Variants in TMEM156 observed in about 807,000 individuals in gnomAD.
TMEM156 encodes the protein transmembrane protein 156.
TMEM156 carries 28 observed loss-of-function variants against 30.5 expected under a neutral mutation model. That is an observed-to-expected ratio of 0.92 (90% CI 0.68 to 1.26). The LOEUF (loss-of-function observed/expected upper bound fraction) is 1.26, where lower values mean the gene tolerates loss of function less well. TMEM156 is among the 50% of genes most tolerant of loss of function. TMEM156 has a pLI of 0.00. For missense variants in TMEM156, 351 were observed against 340.6 expected (o/e 1.03, Z -0.24); for synonymous variants, 137 against 119.9 (o/e 1.14, Z -0.93).
At chr4:38,974,116 A>G (rs1310323999) in intron 5 of TMEM156, among the ~76,000 whole-genome samples, 1 of 151,110 alleles carries the variant, frequency 6.6e-6, no homozygotes, top group Non-Finnish European at 1.5e-5. Context: ...AAACTGTGCT[A>G]CTGGATTGCT....
In TMEM156 at chr4:38,995,588, G is replaced by A. The variant is rs192575143; in HGVS notation, c.359-1590C>T. 2.0e-3 allele frequency among the ~76,000 whole-genome samples: 297 copies of A among 152,264 alleles called. 1 individual carries two copies. The highest frequency in any genetic ancestry group is 6.8e-3 in the African/African-American group (284 of 41,552). Reference sequence around the variant, plus strand: ...AAATTAACTGGGCGTGGTGGCGCACGCCTATAATCCCAGCTACTCCGGAGG... The same window carrying A: ...AAATTAACTGGGCGTGGTGGCGCACACCTATAATCCCAGCTACTCCGGAGG... On this transcript the variant is annotated intron_variant, in intron 2 of 6. Coordinates refer to ENST00000381938, the MANE Select transcript of TMEM156 (RefSeq NM_024943.3).
chr4:39,007,346 A>T (rs770657180), intron 1 of TMEM156, among the ~76,000 whole-genome samples: 2 of 152,184 alleles, frequency 1.3e-5, no homozygotes, highest in Non-Finnish European at 2.9e-5. Context: ...TTTTGACTTG[A>T]TTCTAGAAAT....
At chr4:38,989,642 T>C (rs1712271251) in intron 3 of TMEM156, among the ~76,000 whole-genome samples, 1 of 152,174 alleles carries the variant, frequency 6.6e-6, no homozygotes, top group African/African-American at 2.4e-5. Flanking sequence ...ATGTTCACCA[T>C]GCAGCAGTAG....
At chr4:39,032,126 T>C in intron 1 of TMEM156, 100 bp downstream of exon 1, 1 of 721,496 alleles carries the variant, frequency 1.4e-6, no homozygotes, top group Non-Finnish European at 2.4e-6. Context: ...CTTCAGCCTA[T>C]GCAGCATGTG....
Position 39,016,157 on chromosome 4 carries a change from G to A in TMEM156, c.88+16069C>T, listed in dbSNP as rs535135536. ...TGGGAGGCCAAGGCAGGCAGATCAC[G>A]AGGTCAGGAGATTAAGATCAGCCTA... On this transcript the variant is annotated intron_variant, in intron 1 of 6. Coordinates refer to ENST00000381938, the MANE Select transcript of TMEM156 (RefSeq NM_024943.3). Among the ~76,000 whole-genome samples the A allele has an allele frequency of 5.9e-5, 9 of 152,188 alleles. No homozygotes were observed. In the South Asian group the frequency reaches 8.3e-4, roughly 14 times the overall value.
intron 1 of TMEM156, among the ~76,000 whole-genome samples, chr4:39,030,837 T>C (rs1423768244): frequency 6.6e-6 from 1 of 152,238 alleles, no homozygotes; most frequent in Non-Finnish European, 1.5e-5. Flanking sequence ...ATTATCTTTA[T>C]TCTAACTATT....
chr4:38,989,954 C>T (rs927442734), intron 3 of TMEM156, among the ~76,000 whole-genome samples: 3 of 152,060 alleles, frequency 2.0e-5, no homozygotes, highest in South Asian at 2.1e-4. Flanking sequence ...CCACCACGCC[C>T]GGCTAATTTT....
intron 4 of TMEM156, among the ~76,000 whole-genome samples, chr4:38,988,522 G>A (rs1712165961): frequency 1.3e-5 from 2 of 152,148 alleles, no homozygotes; most frequent in Non-Finnish European, 2.9e-5. Context: ...ATGAGTCACC[G>A]CGCTCGGCCT....
At chr4:38,987,777 T>G (rs910515925) in intron 4 of TMEM156, among the ~76,000 whole-genome samples, 8 of 152,248 alleles carry the variant, frequency 5.3e-5, no homozygotes, top group African/African-American at 1.9e-4. Flanking sequence ...GATGCTCACA[T>G]AATTTAAATA....
Position 38,995,677 on chromosome 4 carries a change from T to C in TMEM156, c.359-1679A>G, listed in dbSNP as rs574365618. 2.7e-3 allele frequency among the ~76,000 whole-genome samples: 411 copies of C among 152,340 alleles called. 3 individuals carry two copies. Among genetic ancestry groups the C allele is most frequent in the African/African-American group, 9.4e-3 (391 of 41,582 alleles). On this transcript the variant is annotated intron_variant, in intron 2 of 6. Coordinates refer to ENST00000381938, the MANE Select transcript of TMEM156 (RefSeq NM_024943.3). ...TTGTAGTGAGCCAAGATCACGCCAC[T>C]GCACTCCAGCCTGGTGAGAGAGAAA...
chr4:39,022,391 T>C (rs1714927912), intron 1 of TMEM156, among the ~76,000 whole-genome samples: 1 of 152,200 alleles, frequency 6.6e-6, no homozygotes, highest in South Asian at 2.1e-4. Context: ...TTCTGTCTCC[T>C]GACGTATGAC....
intron 1 of TMEM156, among the ~76,000 whole-genome samples, chr4:39,006,797 G>A (rs1198231105): frequency 1.3e-5 from 2 of 151,982 alleles, no homozygotes; most frequent in African/African-American, 2.4e-5. Flanking sequence ...ATAATAATTA[G>A]CCAGGCGTGG....
At chr4:38,984,889 G>T (rs896379271) in intron 5 of TMEM156, among the ~76,000 whole-genome samples, 1 of 152,150 alleles carries the variant, frequency 6.6e-6, no homozygotes, top group Admixed American at 6.5e-5. Context: ...GCTAAGACAG[G>T]TTTCTTTGGT....
At chr4:39,003,043 A>T (rs917140523) in intron 1 of TMEM156, among the ~76,000 whole-genome samples, 12 of 152,198 alleles carry the variant, frequency 7.9e-5, no homozygotes, top group Non-Finnish European at 1.3e-4. Context: ...TAATAAAAAA[A>T]TTTAAAAAAT....
intron 1 of TMEM156, among the ~76,000 whole-genome samples, chr4:39,016,230 G>A (rs540234808): frequency 3.3e-5 from 5 of 152,072 alleles, no homozygotes; most frequent in African/African-American, 9.6e-5. Context: ...AAAATTAGCC[G>A]GGCATAGTGG....
In TMEM156 at chr4:38,998,778, A is replaced by C; in HGVS notation, c.220T>G (p.Phe74Val). ...VRETQIIMRIFLNPSNFRNFT... is the reference protein window; with the variant it reads ...VRETQIIMRIVLNPSNFRNFT... ...TTACGAAAATTGGAGGGATTTAGAA[A>C]GATTCTCATGATAATCTGAGTTTCC... Residue 74 changes from phenylalanine (F) to valine (V), a missense_variant, in exon 2 of 7, where the codon TTT becomes GTT. Physicochemically the swap from Phe to Val is conservative, Grantham distance 50. Transcript: ENST00000381938. 6.2e-7 allele frequency: 1 copy of C among 1,614,006 alleles called. No homozygotes were observed.
chr4:39,031,048 A>T (rs1715476852), intron 1 of TMEM156, among the ~76,000 whole-genome samples: 1 of 152,270 alleles, frequency 6.6e-6, no homozygotes, highest in Non-Finnish European at 1.5e-5. Flanking sequence ...TATAATTAGC[A>T]AAAATATTTT....
At chr4:38,976,845 A>G (rs1722877941) in intron 5 of TMEM156, among the ~76,000 whole-genome samples, 1 of 152,230 alleles carries the variant, frequency 6.6e-6, no homozygotes, top group East Asian at 1.9e-4. Context: ...CCATGCAAAT[A>G]ACAAAGCATC....
At chr4:39,006,140 C>T (rs533737144) in intron 1 of TMEM156, among the ~76,000 whole-genome samples, 2 of 152,288 alleles carry the variant, frequency 1.3e-5, no homozygotes, top group African/African-American at 2.4e-5. Flanking sequence ...AAGTTATCTG[C>T]CCACCTTGAC....
Sources: allele counts gnomAD v4.1 joint callset (sites outside exome capture counted in the v4.1 genomes callset), GRCh38; gene constraint gnomAD v4.1.1; transcripts MANE v1.5; gene names NCBI Gene and HGNC (gene_info 2026-07-23, HGNC 2026-07-21).